The following WASHC2C variants were observed in gnomAD, a reference collection of about 807,000 sequenced individuals.
WASHC2C encodes Vaccinia Penetration Factor.
Under a neutral mutation model 142.2 loss-of-function variants are expected in WASHC2C, and 73 were observed. That is an observed-to-expected ratio of 0.51 (90% CI 0.43 to 0.62). WASHC2C has a LOEUF of 0.62. WASHC2C is among the 20% of genes least tolerant of loss of function. The pLI, the probability that WASHC2C is intolerant of heterozygous loss-of-function variation, is 0.00. For synonymous variants in WASHC2C, 337 were observed against 565.5 expected (o/e 0.60, Z 5.73); for missense variants, 969 against 1,531.7 (o/e 0.63, Z 6.13).
rs1554882090 is a variant in WASHC2C, at chr10:45,765,784, G to T, written c.1843G>T (p.Ala615Ser). Residue 615 changes from alanine to serine, a missense_variant, in exon 19 of 31, where the codon GCC becomes TCC. Ala to Ser is a moderately conservative substitution (Grantham distance 99). Coordinates refer to ENST00000623400, the MANE Select transcript of WASHC2C (RefSeq NM_001330074.2). ...ASELSKKKAS[A>S]LLFSSDEEDQ... ...CGAGCTCTCCAAAAAGAAAGCATCTGCCCTGTTGTTCAGCAGTGATGAGGA... is the reference window on the plus strand; with the variant it reads ...CGAGCTCTCCAAAAAGAAAGCATCTTCCCTGTTGTTCAGCAGTGATGAGGA... 1 of 1,612,000 alleles carries T rather than the reference G, an allele frequency of 6.2e-7. No homozygotes were observed. The highest frequency in any genetic ancestry group is 8.5e-7 in the Non-Finnish European group (1 of 1,179,854).
chr10:45,735,765 G>T lies in WASHC2C; in HGVS notation c.292-2218G>T, dbSNP rs184627649. Among the ~76,000 whole-genome samples the T allele has an allele frequency of 8.0e-4, 122 of 152,300 alleles. 3 individuals are homozygous for T. Among genetic ancestry groups the T allele is most frequent in the Admixed American group, 7.1e-3 (108 of 15,290 alleles). On this transcript the variant is annotated intron_variant, in intron 3 of 30. Transcript: ENST00000623400. ...GATATGATCATTTAAAAGCAACATT[G>T]TTTGATCAGATTGGCAGATACTTAA... is the stretch of plus-strand genomic sequence containing the variant.
intron 19 of WASHC2C, among the ~76,000 whole-genome samples, chr10:45,766,331 G>T (rs549574684): frequency 1.5e-3 from 224 of 152,296 alleles, no homozygotes; most frequent in Admixed American, 0.012. Flanking sequence ...GCTCAGCAAG[G>T]CCTGTGTGGT....
At chr10:45,761,280 G>A (rs566906395) in intron 17 of WASHC2C, among the ~76,000 whole-genome samples, 1 of 152,280 alleles carries the variant, frequency 6.6e-6, no homozygotes, top group South Asian at 2.1e-4. Context: ...CTGGCTCAGG[G>A]CTGTAGGGGA....
chr10:45,786,497 T>A (rs1178829068), intron 26 of WASHC2C, 115 bp from the exon 27 acceptor site: 11 of 1,081,054 alleles, frequency 1.0e-5, no homozygotes, highest in Non-Finnish European at 1.4e-5. Context: ...CCTTTCCCAT[T>A]AAAGAGCTAC....
At chr10:45,749,474 AT>A (rs1245704301) in intron 8 of WASHC2C, among the ~76,000 whole-genome samples, 3 of 151,050 alleles carry the variant, frequency 2.0e-5, no homozygotes, top group Non-Finnish European at 2.9e-5. Flanking sequence ...AGTAACAGCC[AT>A]TTTTGATATT....
rs554485980 is a variant in WASHC2C at position 45,758,098 on chromosome 10, G to T, written c.1548+959G>T. On this transcript the variant is annotated intron_variant, in intron 16 of 30. Transcript: ENST00000623400. ...TTTTTAATATCCAGCCACTTGTCTT[G>T]TAGAATGTGTCTCGTGAATTTGCTT... Among the ~76,000 whole-genome samples, 10 of 151,700 alleles carry T rather than the reference G, an allele frequency of 6.6e-5. No homozygotes were observed. The South Asian group carries it at 2.1e-3, about 32-fold the overall frequency.
intron 23 of WASHC2C, among the ~76,000 whole-genome samples, chr10:45,783,383 A>G (rs1339312080): frequency 1.3e-5 from 2 of 152,232 alleles, no homozygotes; most frequent in Non-Finnish European, 2.9e-5. Flanking sequence ...TCATTTTTAT[A>G]TGTAACAATA....
At chr10:45,734,976 G>C (rs1186967694) in intron 3 of WASHC2C, among the ~76,000 whole-genome samples, 1 of 151,916 alleles carries the variant, frequency 6.6e-6, no homozygotes, top group African/African-American at 2.4e-5. Flanking sequence ...TTTCTTCATT[G>C]ACTATTATGT....
chr10:45,791,806 G>A lies in WASHC2C; in HGVS notation c.3887-455G>A, dbSNP rs1362164478. ...ACACTAAACGAATGCAGTGACGGAG[G>A]CTTACAGTCTTACATCGAGATGCCT... On this transcript the variant is annotated intron_variant, in intron 30 of 30. Coordinates refer to ENST00000623400, the MANE Select transcript of WASHC2C (RefSeq NM_001330074.2). 1.8e-3 allele frequency among the ~76,000 whole-genome samples: 265 copies of A among 146,188 alleles called. 24 individuals carry two copies. Among genetic ancestry groups the A allele is most frequent in the African/African-American group, 6.5e-3 (260 of 40,106 alleles).
At chr10:45,768,820 C>T (rs2056247126) in intron 19 of WASHC2C, among the ~76,000 whole-genome samples, 1 of 151,850 alleles carries the variant, frequency 6.6e-6, no homozygotes. Context: ...CATTTGGCTT[C>T]CTTCTTATAG....
chr10:45,777,589 C>A, intron 22 of WASHC2C, among the ~76,000 whole-genome samples, 164 bp downstream of exon 22: 1 of 140,118 alleles, frequency 7.1e-6, no homozygotes. Context: ...CAGGAAGCCT[C>A]TGCAGGGCCT....
At chr10:45,784,244 G>GTATA (rs1564818848) in intron 23 of WASHC2C, among the ~76,000 whole-genome samples, 1 of 38,930 alleles carries the variant, frequency 2.6e-5, no homozygotes, top group African/African-American at 8.1e-5. Context: ...ATATATATGT[G>GTATA]TGTGTGTGTA....
chr10:45,754,186 G>A (rs1316272475), intron 13 of WASHC2C, among the ~76,000 whole-genome samples: 1 of 152,072 alleles, frequency 6.6e-6, no homozygotes, highest in Non-Finnish European at 1.5e-5. Flanking sequence ...TGCTGTCCCT[G>A]CCTCTGCTGT....
intron 21 of WASHC2C, among the ~76,000 whole-genome samples, chr10:45,774,644 A>G (rs1554885868): frequency 2.0e-5 from 1 of 49,386 alleles, no homozygotes; most frequent in Non-Finnish European, 4.3e-5. Context: ...TTGTAAGCCT[A>G]TGTTGACCAA....
In WASHC2C at chr10:45,787,071, A is replaced by G. The variant is rs1353871400; in HGVS notation, c.2911A>G (p.Thr971Ala). The change falls in exon 28 of 31, where the codon ACA (threonine) becomes GCA (alanine). Residue 971 changes from threonine (T) to alanine (A), a missense_variant. Physicochemically the swap from Thr to Ala is moderately conservative, Grantham distance 58 (BLOSUM62 0). Transcript: ENST00000623400. ...GATCAACCCAGCGGCCTTGCTGCCC[A>G]CAGCGGCTTCCCAGATCTCTGAAGT... ...LAINPAALLP[T>A]AASQISEVKP... 17 of 1,609,368 alleles carry G rather than the reference A, an allele frequency of 1.1e-5. No homozygotes were observed. Among genetic ancestry groups the G allele is most frequent in the Non-Finnish European group, 1.0e-5 (12 of 1,178,954 alleles).
In WASHC2C at chr10:45,789,215, C is replaced by T. The variant is rs2058255256; in HGVS notation, c.3432C>T (p.Ser1144=). 6.2e-6 allele frequency: 10 copies of T among 1,612,036 alleles called. No individual in the cohort carries two copies. Among genetic ancestry groups the T allele is most frequent in the Middle Eastern group, 2.3e-4 (1 of 4,430 alleles). Residue 1144 remains serine (S), a synonymous_variant, in exon 29 of 31, where the codon TCC becomes TCT. Transcript: ENST00000623400. ...TTTCCACGGGCACTGGATCTCAGTC[C>T]GTGGAGAGAACAAAACCCAAGGCAA... ...DIFSTGTGSQ[S]VERTKPKAKI... is the part of the protein sequence containing the mutation.
chr10:45,741,874 G>A (rs1184127265), intron 5 of WASHC2C, among the ~76,000 whole-genome samples: 2 of 150,592 alleles, frequency 1.3e-5, no homozygotes, highest in African/African-American at 4.9e-5. Context: ...GCTCACTGCA[G>A]CTTCTGTCTC....
chr10:45,772,126 A>G lies in WASHC2C; in HGVS notation c.2040-1130A>G, dbSNP rs189343941. On this transcript the variant is annotated intron_variant, in intron 20 of 30. Coordinates refer to ENST00000623400, the MANE Select transcript of WASHC2C (RefSeq NM_001330074.2). ...GAATGAACCTAGAAAATTTTATGTT[A>G]CTTGAAAGAAGCTGGTCACAGAAAA... 3.7e-3 allele frequency among the ~76,000 whole-genome samples: 559 copies of G among 152,338 alleles called. 2 individuals are homozygous for G. In the East Asian group the frequency reaches 0.051, roughly 14 times the overall value.
intron 21 of WASHC2C, among the ~76,000 whole-genome samples, chr10:45,775,982 C>T (rs1324334951): frequency 3.9e-5 from 6 of 152,120 alleles, no homozygotes; most frequent in Non-Finnish European, 1.5e-5. Flanking sequence ...GCCCGGCCTG[C>T]ACTGAATTTT....
Sources: gnomAD v4.1 joint callset for allele counts (sites outside exome capture counted in the v4.1 genomes callset) on GRCh38, gnomAD v4.1.1 for gene constraint, MANE v1.5 for transcripts, NCBI Gene and HGNC (gene_info 2026-07-23, HGNC 2026-07-21) for gene names.